FER1L6: variants seen among roughly 807,000 people sequenced by gnomAD.
FER1L6 encodes fer-1-like protein 6.
In FER1L6, 177 loss-of-function variants were observed where a neutral mutation model predicts 219.2. The observed-to-expected ratio is 0.81, with a 90% CI of 0.71 to 0.91. FER1L6 has a LOEUF of 0.91. FER1L6 is among the 40% of genes least tolerant of loss of function. FER1L6 has a pLI of 0.00. For missense variants in FER1L6, 2,153 were observed against 2,259.9 expected, an observed-to-expected ratio of 0.95 and a Z score of 0.96; for synonymous variants, 768 against 824.3, an observed-to-expected ratio of 0.93 and a Z score of 1.17.
At chr8:123,998,145 C>T (rs1475258006) in intron 12 of FER1L6, among the ~76,000 whole-genome samples, 4 of 152,066 alleles carry the variant, frequency 2.6e-5, no homozygotes, top group Non-Finnish European at 5.9e-5. Context: ...TGCGCCCATC[C>T]TTCTTAGGAA....
chr8:124,020,169 C>A (rs1165091402), intron 16 of FER1L6, among the ~76,000 whole-genome samples: 2 of 152,146 alleles, frequency 1.3e-5, no homozygotes, highest in Non-Finnish European at 1.5e-5. Flanking sequence ...TTGCCTGCTG[C>A]CATCCATGTA....
Position 124,000,980 on chromosome 8 carries a change from G to C in FER1L6, c.1520-2187G>C, listed in dbSNP as rs111876198. 1.2e-4 allele frequency among the ~76,000 whole-genome samples: 18 copies of C among 152,282 alleles called. 1 individual carries two copies. The highest frequency in any genetic ancestry group is 4.1e-4 in the African/African-American group (17 of 41,564). ...TTGGGTGGGGACTGAGAGAGACCTGGCAGCTGGCTTCAAGCATCAAAGGAC... is the reference window on the plus strand; with the variant it reads ...TTGGGTGGGGACTGAGAGAGACCTGCCAGCTGGCTTCAAGCATCAAAGGAC... On this transcript the variant is annotated intron_variant, in intron 12 of 40. Coordinates refer to ENST00000522917, the MANE Select transcript of FER1L6 (RefSeq NM_001039112.2).
At chr8:123,857,114 C>T (rs574444017) in intron 1 of FER1L6, among the ~76,000 whole-genome samples, 1 of 152,296 alleles carries the variant, frequency 6.6e-6, no homozygotes, top group East Asian at 1.9e-4. Flanking sequence ...ATGGATTTTT[C>T]TTCCCAGCCC....
chr8:124,054,111 T>A (rs1456341016), intron 22 of FER1L6, among the ~76,000 whole-genome samples: 1 of 152,100 alleles, frequency 6.6e-6, no homozygotes, highest in Non-Finnish European at 1.5e-5. Flanking sequence ...TTCCCATGGG[T>A]TCTTTTAGTG....
chr8:124,064,246 C>T (rs1032773420), intron 25 of FER1L6, 101 bp from the exon 26 acceptor site: 32 of 894,338 alleles, frequency 3.6e-5, no homozygotes, highest in Admixed American at 1.3e-4. Flanking sequence ...AGCAACCTGA[C>T]GTATTTGAAT....
intron 7 of FER1L6, among the ~76,000 whole-genome samples, chr8:123,974,793 G>C (rs573294509): frequency 1.3e-5 from 2 of 151,300 alleles, no homozygotes; most frequent in African/African-American, 4.8e-5. Context: ...CAAACAAAAA[G>C]ACCAAGGAGC....
Position 124,039,978 on chromosome 8 carries a change from C to T in FER1L6, c.2561C>T (p.Thr854Met), listed in dbSNP as rs761429146. The T allele has an allele frequency of 2.5e-5, 41 of 1,613,942 alleles. No homozygotes were observed. Among genetic ancestry groups the T allele is most frequent in the South Asian group, 1.5e-4 (14 of 91,050 alleles). The change falls in exon 20 of 41, where the codon ACG (threonine) becomes ATG (methionine). Residue 854 changes from threonine to methionine, a missense_variant. Physicochemically the swap from Thr to Met is moderately conservative, Grantham distance 81 (BLOSUM62 -1). Transcript: ENST00000522917. ...NGLSDPFAKV[T>M]FLSHCQTTKI... ...CTTTCAGACCCTTTTGCCAAAGTCA[C>T]GTTCCTTTCTCACTGCCAGACAACA...
chr8:123,888,089 A>G (rs1430464338), intron 1 of FER1L6, among the ~76,000 whole-genome samples: 1 of 151,140 alleles, frequency 6.6e-6, no homozygotes, highest in Non-Finnish European at 1.5e-5. Flanking sequence ...CAGTCTTGGG[A>G]AATTCTAATT....
At chr8:123,965,003 C>A (rs1289452399) in intron 3 of FER1L6, among the ~76,000 whole-genome samples, 1 of 152,202 alleles carries the variant, frequency 6.6e-6, no homozygotes, top group Non-Finnish European at 1.5e-5. Flanking sequence ...TGGCACTGGG[C>A]TTTCACATAA....
At chr8:123,887,451 T>G (rs949164893) in intron 1 of FER1L6, among the ~76,000 whole-genome samples, 3 of 152,190 alleles carry the variant, frequency 2.0e-5, no homozygotes, top group Non-Finnish European at 4.4e-5. Context: ...TTTCCATCTC[T>G]CTCTGGCCCC....
chr8:123,994,430 G>C (rs1290707542), intron 12 of FER1L6, among the ~76,000 whole-genome samples: 1 of 152,202 alleles, frequency 6.6e-6, no homozygotes, highest in East Asian at 1.9e-4. Context: ...CTGTACGGAA[G>C]AGTCCAGAGA....
chr8:123,857,342 CA>C (rs1816665986), intron 1 of FER1L6, among the ~76,000 whole-genome samples: 2 of 151,962 alleles, frequency 1.3e-5, no homozygotes, highest in Non-Finnish European at 2.9e-5. Flanking sequence ...TCCATATCTA[CA>C]AAAAAATTTT....
At chr8:124,060,323 T>C (rs772503062) in intron 23 of FER1L6, 33 bp downstream of exon 23, 3 of 1,603,766 alleles carry the variant, frequency 1.9e-6, no homozygotes, top group Non-Finnish European at 1.7e-6. Flanking sequence ...AGTTGTTCTT[T>C]GGCACTCAAG....
intron 26 of FER1L6, among the ~76,000 whole-genome samples, chr8:124,064,843 G>A (rs755659361): frequency 1.1e-4 from 16 of 152,158 alleles, no homozygotes; most frequent in Non-Finnish European, 1.3e-4. Context: ...CATTAGCTTG[G>A]AAAGGCCATG....
intron 12 of FER1L6, among the ~76,000 whole-genome samples, chr8:123,992,039 G>A (rs1047085154): frequency 3.3e-5 from 5 of 152,086 alleles, no homozygotes; most frequent in African/African-American, 1.2e-4. Context: ...CCGCATCCCT[G>A]GAATGTAATG....
chr8:123,973,569 G>A, intron 7 of FER1L6, 57 bp downstream of exon 7: 1 of 1,277,954 alleles, frequency 7.8e-7, no homozygotes, highest in Non-Finnish European at 1.1e-6. Context: ...TATAGCACCT[G>A]GAGTCATCCC....
At chr8:123,960,658 C>T (rs575679031) in intron 2 of FER1L6, among the ~76,000 whole-genome samples, 11 of 152,112 alleles carry the variant, frequency 7.2e-5, no homozygotes, top group African/African-American at 2.2e-4. Flanking sequence ...TTCTAGCTTC[C>T]GGTTGTGGCA....
intron 21 of FER1L6, among the ~76,000 whole-genome samples, chr8:124,048,659 C>G (rs1819844985): frequency 6.6e-6 from 1 of 152,228 alleles, no homozygotes; most frequent in Non-Finnish European, 1.5e-5. Context: ...GTATTGGGCA[C>G]TTGTATACCA....
chr8:123,969,218 G>A lies in FER1L6; in HGVS notation c.385-817G>A, dbSNP rs115996364. The stretch of plus-strand genomic sequence containing the variant: ...CTTCAGTCTTATCTGTAAAACATGG[G>A]ACTGGTCTAGATAATTTCTCCAACT... On this transcript the variant is annotated intron_variant, in intron 5 of 40. Coordinates refer to ENST00000522917, the MANE Select transcript of FER1L6 (RefSeq NM_001039112.2). Among the ~76,000 whole-genome samples the A allele has an allele frequency of 4.8e-3, 729 of 152,168 alleles. 2 individuals are homozygous for A. The highest frequency in any genetic ancestry group is 0.014 in the Middle Eastern group (4 of 294).
Sources: allele counts gnomAD v4.1 joint callset (sites outside exome capture counted in the v4.1 genomes callset), GRCh38; gene constraint gnomAD v4.1.1; transcripts MANE v1.5; gene names NCBI Gene and HGNC (gene_info 2026-07-23, HGNC 2026-07-21).